Variants in SLIT1 observed in about 807,000 individuals in gnomAD.
SLIT1 encodes slit guidance ligand 1.
Under a neutral mutation model 186.1 loss-of-function variants are expected in SLIT1, and 66 were observed. The observed-to-expected ratio is 0.35, with a 90% CI of 0.29 to 0.44. SLIT1 has a LOEUF of 0.44. SLIT1 is among the 20% of genes least tolerant of loss of function. The probability of loss-of-function intolerance (pLI) is 1.00; values close to 1 mark genes in which losing one functional copy is unlikely to be tolerated. For missense variants in SLIT1, 1,638 were observed against 2,037.4 expected, an observed-to-expected ratio of 0.80 and a Z score of 3.77; for synonymous variants, 761 against 833.8, an observed-to-expected ratio of 0.91 and a Z score of 1.50.
In SLIT1 at chr10:97,013,729, G is replaced by A. The variant is rs780710872; in HGVS notation, c.3203+12C>T. On this transcript the variant is annotated intron_variant, in intron 30 of 36. Coordinates refer to ENST00000266058, the MANE Select transcript of SLIT1 (RefSeq NM_003061.3). ...GAGCTCCTCCCTGGCCCTGGAAAGG[G>A]GCAACACTCACCTGGGCCCATCCGG... 4 of 1,547,846 alleles carry A rather than the reference G, an allele frequency of 2.6e-6. No individual in the cohort carries two copies. In the South Asian group the frequency reaches 4.8e-5, roughly 18 times the overall value.
intron 4 of SLIT1, among the ~76,000 whole-genome samples, chr10:97,090,519 T>C (rs1004809155): frequency 7.9e-5 from 12 of 152,110 alleles, no homozygotes; most frequent in Non-Finnish European, 1.8e-4. Context: ...TGGAGTGTAT[T>C]AGCAGGAGAG....
At position 97,163,456 on chromosome 10, in the gene SLIT1, G is replaced by A; in HGVS notation, c.270-5C>T. 2.5e-6 allele frequency: 4 copies of A among 1,613,934 alleles called. No individual in the cohort carries two copies. Among genetic ancestry groups the A allele is most frequent in the South Asian group, 1.1e-5 (1 of 91,080 alleles). On this transcript the variant is annotated splice_region_variant and splice_polypyrimidine_tract_variant and intron_variant, in intron 2 of 36. Transcript: ENST00000266058. ...ATCTGGTTCTCCATCAGCTGCCTGG[G>A]GAAGCAAAGAGACAAGGACAGCTAC...
intron 11 of SLIT1, chr10:97,057,813 T>G: frequency 1.8e-6 from 1 of 552,334 alleles, no homozygotes. Context: ...CATGTATAGG[T>G]TTTTTAAAAA....
At chr10:97,013,025 A>C (rs1371073638) in intron 30 of SLIT1, among the ~76,000 whole-genome samples, 1 of 152,244 alleles carries the variant, frequency 6.6e-6, no homozygotes, top group African/African-American at 2.4e-5. Flanking sequence ...AACAACCATG[A>C]TGAAAATACA....
chr10:97,179,373 A>T (rs1180262030), intron 1 of SLIT1, among the ~76,000 whole-genome samples: 1 of 152,180 alleles, frequency 6.6e-6, no homozygotes, highest in Non-Finnish European at 1.5e-5. Context: ...TGGGAGGATC[A>T]CTTGAGCCCA....
intron 1 of SLIT1, among the ~76,000 whole-genome samples, chr10:97,178,545 C>T (rs769388183): frequency 1.4e-3 from 211 of 152,144 alleles, no homozygotes; most frequent in Middle Eastern, 3.4e-3. Flanking sequence ...GGATTGTGGA[C>T]CTGGGAAAAA....
chr10:97,033,860 A>ATT (rs36010222), intron 23 of SLIT1, among the ~76,000 whole-genome samples: 5,776 of 125,242 alleles, frequency 0.046, 204 homozygotes, highest in Middle Eastern at 0.14. Flanking sequence ...GCACTGTTCT[A>ATT]TTTTTTTTTT....
rs1369409880 is a variant in SLIT1, at chr10:97,004,850, C to T, written c.3580-27G>A. ...TGATGGGCAGTGGCACTTTCTCTCC[C>T]ACCCCACCCCATGCAGCAGCGGCAC... On this transcript the variant is annotated intron_variant, in intron 32 of 36. Coordinates refer to ENST00000266058, the MANE Select transcript of SLIT1 (RefSeq NM_003061.3). The surrounding 1 kb of genome is among the most constrained non-coding windows in gnomAD (Gnocchi z 5.1). 4.3e-6 allele frequency: 7 copies of T among 1,613,294 alleles called. No individual in the cohort carries two copies. The East Asian group carries it at 1.3e-4, about 31-fold the overall frequency.
intron 21 of SLIT1, among the ~76,000 whole-genome samples, chr10:97,038,674 C>T (rs571247691): frequency 2.6e-5 from 4 of 152,194 alleles, no homozygotes; most frequent in Admixed American, 2.6e-4. Context: ...AGGATCTCCA[C>T]CCCCCAACTA....
intron 4 of SLIT1, among the ~76,000 whole-genome samples, chr10:97,083,493 G>A (rs552508689): frequency 7.9e-5 from 12 of 152,298 alleles, no homozygotes; most frequent in South Asian, 6.2e-4. Context: ...GAGTGCGATC[G>A]TGAACATTCA....
intron 4 of SLIT1, among the ~76,000 whole-genome samples, chr10:97,101,089 C>T (rs1360689523): frequency 6.6e-6 from 1 of 152,156 alleles, no homozygotes; most frequent in Non-Finnish European, 1.5e-5. Flanking sequence ...ACTGTGGAGG[C>T]CACCCAGCAC....
At position 97,004,828 on chromosome 10, in the gene SLIT1, TGGG is replaced by T; in HGVS notation, c.3580-8_3580-6del. 1 of 1,614,108 alleles carries T rather than the reference TGGG, an allele frequency of 6.2e-7. No homozygotes were observed. The highest frequency in any genetic ancestry group is 8.5e-7 in the Non-Finnish European group (1 of 1,179,998). ...ATTGTCCTCTGCCGTGGAGACCTGA[TGGG>T]CAGTGGCACTTTCTCTCCCACCCCA... On this transcript the variant is annotated splice_region_variant and splice_polypyrimidine_tract_variant and intron_variant, in intron 32 of 36. Coordinates refer to ENST00000266058, the MANE Select transcript of SLIT1 (RefSeq NM_003061.3). The surrounding 1 kb of genome is among the most constrained non-coding windows in gnomAD (Gnocchi z 5.1).
chr10:97,150,158 C>A (rs952159371), intron 4 of SLIT1, among the ~76,000 whole-genome samples: 8 of 151,928 alleles, frequency 5.3e-5, no homozygotes, highest in South Asian at 2.1e-4. Flanking sequence ...TGGGGAGGGG[C>A]GGCTGGGAGC....
Position 97,018,599 on chromosome 10 carries a change from C to T in SLIT1, c.2956G>A (p.Asp986Asn). 5.7e-6 allele frequency: 9 copies of T among 1,584,870 alleles called. No homozygotes were observed. Among genetic ancestry groups the T allele is most frequent in the Non-Finnish European group, 7.7e-6 (9 of 1,165,146 alleles). Residue 986 changes from aspartate (D) to asparagine (N), a missense_variant, in exon 28 of 37, where the codon GAT (aspartate) becomes AAT (asparagine). Asp to Asn is a conservative substitution (Grantham distance 23). This residue lies in a region of SLIT1 where 1,245 missense variants were observed against 1,535.3 expected (regional missense o/e 0.81). Coordinates refer to ENST00000266058, the MANE Select transcript of SLIT1 (RefSeq NM_003061.3). ...GGTCHAQEGE[D>N]APFTCSCPTG... is the part of the protein sequence containing the mutation. ...CAGGTAACTCACGTGAACGGGGCAT[C>T]CTCGCCCTCCTGTGCATGGCAGGTG...
intron 4 of SLIT1, among the ~76,000 whole-genome samples, chr10:97,105,069 G>A (rs1334089975): frequency 2.6e-5 from 4 of 152,182 alleles, no homozygotes; most frequent in Non-Finnish European, 5.9e-5. Flanking sequence ...CCCTCCATGT[G>A]ACAGAGACCT....
intron 1 of SLIT1, among the ~76,000 whole-genome samples, chr10:97,167,782 T>C (rs1048950109): frequency 6.6e-6 from 1 of 152,194 alleles, no homozygotes; most frequent in African/African-American, 2.4e-5. Flanking sequence ...TCCCATGCTG[T>C]TCTCGTGATA....
chr10:97,001,393 A>G, intron 36 of SLIT1, 43 bp from the exon 37 acceptor site: 1 of 1,484,500 alleles, frequency 6.7e-7, no homozygotes, highest in Non-Finnish European at 9.3e-7. Flanking sequence ...GGGCACACCC[A>G]TGGGTGAGCT....
At chr10:97,062,532 A>T (rs545052626) in intron 8 of SLIT1, among the ~76,000 whole-genome samples, 2 of 152,258 alleles carry the variant, frequency 1.3e-5, no homozygotes, top group Non-Finnish European at 2.9e-5. Flanking sequence ...CAGAAACACA[A>T]TGCGGGACCT....
At chr10:97,154,174 A>T (rs1353692056) in intron 4 of SLIT1, 1 of 152,196 alleles carries the variant, frequency 6.6e-6, no homozygotes, top group East Asian at 1.9e-4. Context: ...ATCTTTAAAC[A>T]CTTGCTCCTC....
Sources: allele counts gnomAD v4.1 joint callset (sites outside exome capture counted in the v4.1 genomes callset), GRCh38; gene constraint gnomAD v4.1.1; regional missense constraint gnomAD v4.1.1; non-coding constraint Gnocchi (gnomAD v3.1); transcripts MANE v1.5; gene names NCBI Gene and HGNC (gene_info 2026-07-23, HGNC 2026-07-21).